FGD1: variants seen among roughly 807,000 people sequenced by gnomAD.
FGD1 encodes the protein FYVE, RhoGEF and PH domain-containing protein 1.
Under a neutral mutation model 65.0 loss-of-function variants are expected in FGD1, and 12 were observed. The observed-to-expected ratio is 0.18, with a 90% CI of 0.12 to 0.30. The LOEUF is 0.30. Ranked by LOEUF, FGD1 falls within the 10% of genes least tolerant of loss-of-function variation. FGD1 has a pLI of 1.00. For missense variants in FGD1, 542 were observed against 837.6 expected, an observed-to-expected ratio of 0.65 and a Z score of 4.36; for synonymous variants, 333 against 343.9, an observed-to-expected ratio of 0.97 and a Z score of 0.35.
intron 12 of FGD1, among the ~76,000 whole-genome samples, chrX:54,450,951 A>T (rs2147424218): frequency 9.1e-6 from 1 of 110,189 alleles, no homozygotes; most frequent in African/African-American, 3.3e-5. Flanking sequence ...CAGGGGGCTG[A>T]GGCATGAGAA....
chrX:54,495,589 A>T lies in FGD1; in HGVS notation c.-157T>A. On this transcript the variant is annotated 5_prime_UTR_variant, in exon 1 of 18. Coordinates refer to ENST00000375135, the MANE Select transcript of FGD1 (RefSeq NM_004463.3). Reference sequence around the variant, plus strand: ...CCCCACTGCAGAGACTCAAGCCCCCAGCCCGGGCCCGGGCCAGCAGCCGTG... The same window carrying T: ...CCCCACTGCAGAGACTCAAGCCCCCTGCCCGGGCCCGGGCCAGCAGCCGTG... The T allele has an allele frequency of 3.6e-6, 1 of 278,848 alleles. No individual in the cohort carries two copies. The highest frequency in any genetic ancestry group is 2.1e-4 in the South Asian group (1 of 4,699). The allele number at this position is 278,848 out of a possible 1,213,427, so 23.0% of individuals were successfully genotyped here.
intron 1 of FGD1, 108 bp downstream of exon 1, chrX:54,495,014 GAGGT>G (rs1647975317): frequency 1.2e-6 from 1 of 835,233 alleles, no homozygotes; most frequent in Admixed American, 2.7e-5. Context: ...CCAAAGGGCC[GAGGT>G]AAGCGAGCCT....
chrX:54,446,696 C>G (rs1170649356), intron 17 of FGD1, among the ~76,000 whole-genome samples: 2 of 96,991 alleles, frequency 2.1e-5, no homozygotes, highest in Non-Finnish European at 4.1e-5. Context: ...AGGCCTTTGT[C>G]TATGCTATTG....
chrX:54,445,919 A>C lies in FGD1; in HGVS notation c.*190T>G. Reference sequence around the variant, plus strand: ...AATAAAAATTGACATCACTGTAGGAATATATTTTTTAAAAGCCCACGTTTT... The same window carrying C: ...AATAAAAATTGACATCACTGTAGGACTATATTTTTTAAAAGCCCACGTTTT... On this transcript the variant is annotated 3_prime_UTR_variant, in exon 18 of 18. Coordinates refer to ENST00000375135, the MANE Select transcript of FGD1 (RefSeq NM_004463.3). 2.3e-6 allele frequency: 1 copy of C among 437,389 alleles called. No individual in the cohort carries two copies. The allele number at this position is 437,389 out of a possible 1,213,427, so 36.0% of individuals were successfully genotyped here.
At chrX:54,484,429 C>G (rs901059576) in intron 1 of FGD1, among the ~76,000 whole-genome samples, 1 of 111,711 alleles carries the variant, frequency 9.0e-6, no homozygotes. Flanking sequence ...AGGCACTCAA[C>G]AGGTACATGT....
chrX:54,473,979 CAAAAAA>C (rs772527187), intron 1 of FGD1, among the ~76,000 whole-genome samples: 2 of 93,901 alleles, frequency 2.1e-5, no homozygotes, highest in Admixed American at 2.3e-4. Context: ...GACTCCATCT[CAAAAAA>C]AAAATATATA....
At chrX:54,454,201 A>G (rs1205092857) in intron 12 of FGD1, among the ~76,000 whole-genome samples, 2 of 111,962 alleles carry the variant, frequency 1.8e-5, no homozygotes, top group Non-Finnish European at 3.8e-5. Context: ...ACACTAGTAC[A>G]CTAGATGGTC....
chrX:54,448,637 A>G (rs143148850), intron 16 of FGD1, among the ~76,000 whole-genome samples, 169 bp downstream of exon 16: 1 of 112,534 alleles, frequency 8.9e-6, no homozygotes, highest in Non-Finnish European at 1.9e-5. Context: ...ATGTCTAAGT[A>G]CTTAAAGATG....
At chrX:54,486,069 G>A (rs774479931) in intron 1 of FGD1, among the ~76,000 whole-genome samples, 3 of 109,936 alleles carry the variant, frequency 2.7e-5, no homozygotes, top group South Asian at 3.9e-4. Context: ...CACCGTGCCC[G>A]GCAAATATGC....
At chrX:54,464,894 A>G (rs1014849541) in intron 8 of FGD1, among the ~76,000 whole-genome samples, 2 of 109,527 alleles carry the variant, frequency 1.8e-5, no homozygotes, top group Admixed American at 2.0e-4. Context: ...AGGATGGAAA[A>G]TTGATGAGCC....
At chrX:54,455,389 G>A in intron 12 of FGD1, 59 bp downstream of exon 12, 1 of 923,691 alleles carries the variant, frequency 1.1e-6, no homozygotes, top group Non-Finnish European at 1.6e-6. Flanking sequence ...GAATGCCTCA[G>A]CATATCTGAA....
intron 16 of FGD1, among the ~76,000 whole-genome samples, chrX:54,448,342 A>C (rs1007405994): frequency 9.0e-6 from 1 of 110,721 alleles, no homozygotes; most frequent in African/African-American, 3.3e-5. Flanking sequence ...GTGCGCCACC[A>C]TGCCTGGCTA....
At chrX:54,454,658 A>AAG (rs1453228289) in intron 12 of FGD1, among the ~76,000 whole-genome samples, 9 of 108,949 alleles carry the variant, frequency 8.3e-5, no homozygotes, top group African/African-American at 3.0e-4. Context: ...AAAAAAAAAA[A>AAG]AAAAAAGAAA....
chrX:54,449,123 C>T lies in FGD1; in HGVS notation c.2274+20G>A. 1 of 1,212,115 alleles carries T rather than the reference C, an allele frequency of 8.3e-7. No individual in the cohort carries two copies. Among genetic ancestry groups the T allele is most frequent in the South Asian group, 1.8e-5 (1 of 57,020 alleles). ...CATTCTGTCCCCTCCCTAGCTCTGC[C>T]CCTGCCTCCCAACACTCACATGCCC... is the stretch of plus-strand genomic sequence containing the variant. On this transcript the variant is annotated intron_variant, in intron 15 of 17. Transcript: ENST00000375135.
chrX:54,491,733 G>C (rs1052091142), intron 1 of FGD1, among the ~76,000 whole-genome samples: 7 of 111,869 alleles, frequency 6.3e-5, no homozygotes, highest in Non-Finnish European at 9.4e-5. Flanking sequence ...CTGAGGTGGA[G>C]TGTGGAATCA....
chrX:54,485,788 T>A (rs1020837373), intron 1 of FGD1, among the ~76,000 whole-genome samples: 1 of 110,637 alleles, frequency 9.0e-6, no homozygotes. Context: ...TGCTTTTTTT[T>A]TTTTTGAGAT....
chrX:54,456,298 G>A lies in FGD1; in HGVS notation c.1764C>T (p.Thr588=). Residue 588 remains threonine, a synonymous_variant, in exon 10 of 18, where the codon ACC becomes ACT. Transcript: ENST00000375135. ...LGGEEDIVSP[T]KELIKEGHIL... ...TGTGGCCTTCTTTTATGAGCTCTTT[G>A]GTGGGGCTGACAATGTCCTCCTCGC... 8.3e-7 allele frequency: 1 copy of A among 1,210,819 alleles called. No individual in the cohort carries two copies. Among genetic ancestry groups the A allele is most frequent in the Non-Finnish European group, 1.1e-6 (1 of 895,012 alleles).
chrX:54,470,956 C>T (rs929088529), intron 2 of FGD1, among the ~76,000 whole-genome samples, 196 bp from the exon 3 acceptor site: 5 of 105,551 alleles, frequency 4.7e-5, no homozygotes, highest in Admixed American at 1.0e-4. Context: ...TTGCAGTGAG[C>T]CAAGATCATG....
chrX:54,477,222 C>G (rs1016130911), intron 1 of FGD1, among the ~76,000 whole-genome samples: 1 of 112,263 alleles, frequency 8.9e-6, no homozygotes, highest in Admixed American at 9.4e-5. Flanking sequence ...GTGGGGTATG[C>G]ACCCTTCCTG....
Sources: gnomAD v4.1 joint callset for allele counts (sites outside exome capture counted in the v4.1 genomes callset) on GRCh38, gnomAD v4.1.1 for gene constraint, MANE v1.5 for transcripts, NCBI Gene and HGNC (gene_info 2026-07-23, HGNC 2026-07-21) for gene names.